Variants in SV2C observed in about 807,000 individuals in gnomAD.
The protein encoded by SV2C is synaptic vesicle glycoprotein 2C.
Under a neutral mutation model 79.7 loss-of-function variants are expected in SV2C, and 49 were observed. The ratio of observed to expected loss-of-function variants is 0.61; its 90% CI spans 0.49 to 0.78. The LOEUF (loss-of-function observed/expected upper bound fraction) is 0.78. SV2C is among the 30% of genes least tolerant of loss of function. SV2C has a pLI of 0.00. For synonymous variants in SV2C, 334 were observed against 333.2 expected (o/e 1.00, Z -0.03); for missense variants, 833 against 912.9 (o/e 0.91, Z 1.13).
intron 12 of SV2C, among the ~76,000 whole-genome samples, chr5:76,351,153 C>T (rs1244771978): frequency 2.6e-5 from 4 of 152,040 alleles, no homozygotes; most frequent in South Asian, 2.1e-4. Context: ...TGAATAACAA[C>T]GATATATCTT....
intron 2 of SV2C, among the ~76,000 whole-genome samples, chr5:76,140,867 T>C (rs887621346): frequency 2.0e-5 from 3 of 152,172 alleles, no homozygotes; most frequent in Non-Finnish European, 4.4e-5. Flanking sequence ...CTTTATTCTT[T>C]GTTGTGTATG....
intron 4 of SV2C, among the ~76,000 whole-genome samples, chr5:76,240,327 C>T (rs1207367762): frequency 6.6e-6 from 1 of 152,240 alleles, no homozygotes; most frequent in East Asian, 1.9e-4. Flanking sequence ...CACCTGTCCC[C>T]TGATATCAGT....
chr5:76,074,440 T>C, the SV2C span, among the ~76,000 whole-genome samples: 1,175 of 152,310 alleles, frequency 7.7e-3, 18 homozygotes, highest in African/African-American at 0.027. Flanking sequence ...ATCCTAGATG[T>C]GCAGATAATA....
the SV2C span, among the ~76,000 whole-genome samples, chr5:75,983,618 G>A: frequency 1.3e-5 from 2 of 150,298 alleles, no homozygotes; most frequent in Middle Eastern, 3.4e-3. Flanking sequence ...AAAAAAAGAT[G>A]TTTTGGCGAA....
At chr5:76,342,136 A>G (rs1029110299) in intron 12 of SV2C, among the ~76,000 whole-genome samples, 1 of 152,152 alleles carries the variant, frequency 6.6e-6, no homozygotes. Context: ...GAAGGAGAGA[A>G]GGAAGGGGAA....
chr5:76,185,355 C>T (rs1272258275), intron 2 of SV2C, among the ~76,000 whole-genome samples: 6 of 152,224 alleles, frequency 3.9e-5, no homozygotes, highest in African/African-American at 7.2e-5. Context: ...CTCACAGCTC[C>T]GTTAGGCAGT....
intron 2 of SV2C, among the ~76,000 whole-genome samples, chr5:76,174,903 G>A (rs1167423647): frequency 6.6e-6 from 1 of 152,220 alleles, no homozygotes; most frequent in East Asian, 1.9e-4. Flanking sequence ...CACAAGTGCT[G>A]ATACCCTGTT....
chr5:76,206,882 C>T (rs1580353504), intron 3 of SV2C, among the ~76,000 whole-genome samples: 2 of 152,174 alleles, frequency 1.3e-5, no homozygotes, highest in African/African-American at 4.8e-5. Context: ...TTTTATATAT[C>T]GCTGAGTCTA....
At chr5:75,969,109 A>G in the SV2C span, among the ~76,000 whole-genome samples, 3 of 152,206 alleles carry the variant, frequency 2.0e-5, no homozygotes. Flanking sequence ...AAAATACTTT[A>G]CAGACAAACA....
downstream of SV2C, among the ~76,000 whole-genome samples, chr5:76,336,103 AC>A (rs746216500): frequency 1.4e-3 from 60 of 43,446 alleles, 1 homozygote; most frequent in Non-Finnish European, 3.8e-3. Flanking sequence ...CGGGGGTCTG[AC>A]CCCCCCCACC....
intron 3 of SV2C, among the ~76,000 whole-genome samples, chr5:76,204,464 C>A (rs1435697353): frequency 6.6e-6 from 1 of 152,100 alleles, no homozygotes; most frequent in Non-Finnish European, 1.5e-5. Flanking sequence ...CAACTTTCTC[C>A]TTAATTATGT....
intron 2 of SV2C, among the ~76,000 whole-genome samples, chr5:76,190,015 G>C (rs895397323): frequency 6.6e-6 from 1 of 152,126 alleles, no homozygotes; most frequent in Non-Finnish European, 1.5e-5. Flanking sequence ...TACAAACATA[G>C]GTAACTCTTC....
chr5:75,854,178 T>C, the SV2C span, among the ~76,000 whole-genome samples: 7 of 152,272 alleles, frequency 4.6e-5, no homozygotes, highest in South Asian at 4.1e-4. Context: ...TGTTTTGAGA[T>C]TCATAGACAT....
rs190127023 is a variant in SV2C at position 76,138,278 on chromosome 5, C to G, written c.580+5948C>G. Among the ~76,000 whole-genome samples, 18 of 152,286 alleles carry G rather than the reference C, an allele frequency of 1.2e-4. No homozygotes were observed. The East Asian group carries it at 3.5e-3, about 29-fold the overall frequency. On this transcript the variant is annotated intron_variant, in intron 2 of 12. Coordinates refer to ENST00000502798, the MANE Select transcript of SV2C (RefSeq NM_014979.4). ...GGAACACATATACCAACTCTTAGTC[C>G]TATGTTCCTTTCCAGTTCCCTCACG...
At chr5:76,119,498 C>A (rs1489779995) in intron 1 of SV2C, among the ~76,000 whole-genome samples, 1 of 152,048 alleles carries the variant, frequency 6.6e-6, no homozygotes, top group Non-Finnish European at 1.5e-5. Context: ...AGCCATACTG[C>A]CCATTCCTAC....
intron 1 of SV2C, among the ~76,000 whole-genome samples, chr5:76,093,140 C>A (rs1747434428): frequency 1.3e-5 from 2 of 152,142 alleles, no homozygotes; most frequent in Admixed American, 6.5e-5. Flanking sequence ...CTGAACATGT[C>A]TCTTTATAGA....
chr5:76,083,711 A>C (rs1456983626), intron 1 of SV2C, among the ~76,000 whole-genome samples, 199 bp downstream of exon 1: 2 of 152,208 alleles, frequency 1.3e-5, no homozygotes, highest in Non-Finnish European at 2.9e-5. Flanking sequence ...GAGAGGGACC[A>C]GGAAAGTAGG....
chr5:75,865,634 A>G, the SV2C span, among the ~76,000 whole-genome samples: 2 of 152,238 alleles, frequency 1.3e-5, no homozygotes, highest in Non-Finnish European at 2.9e-5. Context: ...GCAGTGGCCA[A>G]TAGCCTTGCC....
At chr5:76,037,260 A>T in the SV2C span, among the ~76,000 whole-genome samples, 1 of 152,210 alleles carries the variant, frequency 6.6e-6, no homozygotes, top group Non-Finnish European at 1.5e-5. Context: ...AAGTCATTCT[A>T]TGTACAGCTT....
Sources: allele counts gnomAD v4.1 joint callset (sites outside exome capture counted in the v4.1 genomes callset), GRCh38; gene constraint gnomAD v4.1.1; transcripts MANE v1.5; gene names NCBI Gene and HGNC (gene_info 2026-07-23, HGNC 2026-07-21).